Variants in HEATR5A observed in about 807,000 individuals in gnomAD.
HEATR5A encodes HEAT repeat-containing protein 5A.
In HEATR5A, 178 loss-of-function variants were observed where a neutral mutation model predicts 218.8. The ratio of observed to expected loss-of-function variants is 0.81; its 90% CI spans 0.72 to 0.92. HEATR5A has a LOEUF of 0.92. Among genes scored for constraint, HEATR5A ranks in the 40% least tolerant of loss-of-function variants. HEATR5A has a pLI of 0.00. For synonymous variants in HEATR5A, 864 were observed against 871.6 expected (o/e 0.99, Z 0.15); for missense variants, 2,420 against 2,418.9 (o/e 1.00, Z -0.01).
intron 1 of HEATR5A, among the ~76,000 whole-genome samples, chr14:31,414,906 T>C (rs1040981027): frequency 1.3e-5 from 2 of 152,182 alleles, no homozygotes; most frequent in African/African-American, 4.8e-5. Flanking sequence ...AGTGGCACCA[T>C]CTCAGCTCAT....
At chr14:31,385,949 A>C in intron 9 of HEATR5A, among the ~76,000 whole-genome samples, 1 of 152,076 alleles carries the variant, frequency 6.6e-6, no homozygotes, top group Non-Finnish European at 1.5e-5. Context: ...GCTGGTCTTG[A>C]ACTCCTGACC....
chr14:31,311,972 G>A (rs531686865), intron 28 of HEATR5A, among the ~76,000 whole-genome samples: 1 of 152,292 alleles, frequency 6.6e-6, no homozygotes, highest in South Asian at 2.1e-4. Context: ...TTCTAAATAT[G>A]GAAGGGAGGG....
intron 18 of HEATR5A, among the ~76,000 whole-genome samples, chr14:31,348,158 CAT>C (rs1901081777): frequency 6.6e-6 from 1 of 152,092 alleles, no homozygotes; most frequent in African/African-American, 2.4e-5. Context: ...CAATGTCTTT[CAT>C]ATATATACAT....
intron 19 of HEATR5A, among the ~76,000 whole-genome samples, chr14:31,347,465 G>A (rs1901061099): frequency 6.6e-6 from 1 of 152,138 alleles, no homozygotes; most frequent in South Asian, 2.1e-4. Context: ...GCCTGCCTCG[G>A]CATCCTGAAG....
At chr14:31,339,406 C>T (rs574452109) in intron 21 of HEATR5A, among the ~76,000 whole-genome samples, 34 of 132,872 alleles carry the variant, frequency 2.6e-4, no homozygotes, top group Admixed American at 1.1e-3. Flanking sequence ...GCTGAGATTG[C>T]ACCACTGCAC....
intron 32 of HEATR5A, among the ~76,000 whole-genome samples, chr14:31,304,636 C>T (rs1431257221): frequency 1.3e-5 from 2 of 152,122 alleles, no homozygotes; most frequent in Non-Finnish European, 2.9e-5. Context: ...AGGCTGGTCT[C>T]GAACTCCTGA....
chr14:31,415,792 C>A (rs72672670), intron 1 of HEATR5A, among the ~76,000 whole-genome samples: 186 of 152,172 alleles, frequency 1.2e-3, no homozygotes, highest in Non-Finnish European at 2.1e-3. Flanking sequence ...CATGTAGAAA[C>A]CTCCAAATGC....
chr14:31,403,058 C>T lies in HEATR5A; in HGVS notation c.-74-9G>A, dbSNP rs185568163. ...TACCTAACAATAAAAATCTGCAATA[C>T]AGGAAAATAATGTATTTTAAAAGGG... On this transcript the variant is annotated splice_polypyrimidine_tract_variant and intron_variant, in intron 1 of 35. Transcript: ENST00000543095. The T allele has an allele frequency of 1.1e-3, 1,355 of 1,265,946 alleles. 4 individuals are homozygous for T. Among genetic ancestry groups the T allele is most frequent in the Middle Eastern group, 2.1e-3 (11 of 5,194 alleles). 78.4% of individuals were successfully genotyped at this position (1,265,946 alleles called of 1,614,324 possible).
intron 25 of HEATR5A, chr14:31,320,571 T>A: frequency 1.2e-6 from 1 of 829,672 alleles, no homozygotes; most frequent in Non-Finnish European, 2.0e-6. Flanking sequence ...ACAGGCCTGA[T>A]TAGACCCCTG....
At chr14:31,402,572 G>A (rs1954494727) in intron 2 of HEATR5A, among the ~76,000 whole-genome samples, 1 of 152,146 alleles carries the variant, frequency 6.6e-6, no homozygotes, top group South Asian at 2.1e-4. Context: ...CAAAAACGAA[G>A]TATAATAGAA....
intron 31 of HEATR5A, among the ~76,000 whole-genome samples, chr14:31,306,301 C>G (rs1899554542): frequency 2.6e-5 from 4 of 152,102 alleles, no homozygotes; most frequent in Admixed American, 2.6e-4. Flanking sequence ...GCAACATGGC[C>G]ACATCCCGTC....
At chr14:31,295,843 C>G in intron 34 of HEATR5A, 66 bp downstream of exon 34, 1 of 1,355,568 alleles carries the variant, frequency 7.4e-7, no homozygotes, top group Non-Finnish European at 1.0e-6. Flanking sequence ...CAAAATCACA[C>G]AGAAAATTTT....
intron 1 of HEATR5A, among the ~76,000 whole-genome samples, chr14:31,404,979 C>A (rs2031005083): frequency 7.3e-6 from 1 of 136,934 alleles, no homozygotes. Context: ...AATCCCAGTA[C>A]TTTGAGAGGC....
chr14:31,380,924 A>G (rs1296648064), intron 10 of HEATR5A, among the ~76,000 whole-genome samples: 1 of 152,170 alleles, frequency 6.6e-6, no homozygotes, highest in Non-Finnish European at 1.5e-5. Context: ...TTATCCAAAA[A>G]AAGTTTTCTT....
At chr14:31,415,604 G>A (rs1178797106) in intron 1 of HEATR5A, among the ~76,000 whole-genome samples, 3 of 152,166 alleles carry the variant, frequency 2.0e-5, no homozygotes, top group East Asian at 1.9e-4. Flanking sequence ...GATTTTGTAC[G>A]TGTATATCTG....
Position 31,383,626 on chromosome 14 carries a change from T to C in HEATR5A, c.1491A>G (p.Gly497=), listed in dbSNP as rs766067090. 1.2e-6 allele frequency: 2 copies of C among 1,613,994 alleles called. No homozygotes were observed. Among genetic ancestry groups the C allele is most frequent in the Non-Finnish European group, 1.7e-6 (2 of 1,179,882 alleles). Residue 497 remains glycine (G), a synonymous_variant, in exon 10 of 36, where the codon GGA becomes GGG. Transcript: ENST00000543095. The stretch of plus-strand genomic sequence containing the variant: ...TCACTGCTTCAGGTGAAGACTTATG[T>C]CCAGTAAGCCGTTCAAGGCAACGAT... ...LLDRCLERLT[G]HKSSPEAVTG... is the part of the protein sequence containing the mutation.
chr14:31,363,547 G>A (rs529250320), intron 14 of HEATR5A, among the ~76,000 whole-genome samples: 1 of 152,268 alleles, frequency 6.6e-6, no homozygotes, highest in East Asian at 1.9e-4. Context: ...ATGTGTTCTT[G>A]AGTTGGTTTT....
rs1409877178 is a variant in HEATR5A, at chr14:31,394,091, T to C, written c.733A>G (p.Ile245Val). Reference protein sequence around the residue: ...RISVSKLLGIILAKAVISKHP... With the variant: ...RISVSKLLGIVLAKAVISKHP... ...TTAGAAATTACAGCTTTAGCTAATA[T>C]TATGCCTAGTAACTTTGAAACAGAA... Residue 245 changes from isoleucine to valine, a missense_variant, in exon 6 of 36, where the codon ATA (isoleucine) becomes GTA (valine). Ile to Val is a conservative substitution (Grantham distance 29). Coordinates refer to ENST00000543095, the MANE Select transcript of HEATR5A (RefSeq NM_015473.4). 6.5e-7 allele frequency: 1 copy of C among 1,533,638 alleles called. No individual in the cohort carries two copies. The highest frequency in any genetic ancestry group is 8.7e-7 in the Non-Finnish European group (1 of 1,145,440).
At chr14:31,302,711 G>A (rs1899424107) in intron 32 of HEATR5A, 192 bp from the exon 33 acceptor site, 1 of 540,082 alleles carries the variant, frequency 1.9e-6, no homozygotes. Context: ...AATCTTGATG[G>A]TTATAACTGG....
Sources: allele counts gnomAD v4.1 joint callset (sites outside exome capture counted in the v4.1 genomes callset), GRCh38; gene constraint gnomAD v4.1.1; transcripts MANE v1.5; gene names NCBI Gene and HGNC (gene_info 2026-07-23, HGNC 2026-07-21).